CSMD1: variants seen among roughly 807,000 people sequenced by gnomAD.
CSMD1 encodes CUB and sushi domain-containing protein 1.
In CSMD1, 213 loss-of-function variants were observed where a neutral mutation model predicts 417.5. The ratio of observed to expected loss-of-function variants is 0.51; its 90% confidence interval spans 0.46 to 0.57. The LOEUF (loss-of-function observed/expected upper bound fraction) is 0.57, where lower values mean the gene tolerates loss of function less well. Ranked by LOEUF, CSMD1 falls within the 20% of genes least tolerant of loss-of-function variation. CSMD1 has a pLI of 0.00. For missense variants in CSMD1, 6,923 were observed against 4,529.7 expected, an observed-to-expected ratio of 1.53 and a Z score of -15.17; for synonymous variants, 2,862 against 1,736.8, an observed-to-expected ratio of 1.65 and a Z score of -16.11.
rs78156585 is a variant in CSMD1, at chr8:3,800,217, T to C, written c.819-46175A>G. Among the ~76,000 whole-genome samples the C allele has an allele frequency of 8.1e-3, 1,237 of 152,256 alleles. 13 individuals are homozygous for C. The highest frequency in any genetic ancestry group is 0.013 in the Non-Finnish European group (902 of 68,006). On this transcript the variant is annotated intron_variant, in intron 5 of 69. Transcript: ENST00000635120. ...GCAGAGAGCAGAACTTTCAACAAAC[T>C]TATTGATGATGATACAGTCATCCTT... is the stretch of plus-strand genomic sequence containing the variant.
chr8:4,642,083 C>T (rs1202695009), intron 1 of CSMD1, among the ~76,000 whole-genome samples: 3 of 152,142 alleles, frequency 2.0e-5, no homozygotes, highest in Non-Finnish European at 4.4e-5. Flanking sequence ...TTGGAGGTGA[C>T]CTGGTCAGCC....
chr8:3,937,605 C>T (rs1040176884), intron 5 of CSMD1, among the ~76,000 whole-genome samples: 1 of 152,104 alleles, frequency 6.6e-6, no homozygotes, highest in African/African-American at 2.4e-5. Context: ...CACTGGGGAA[C>T]CCACAATATC....
chr8:4,879,862 A>G (rs1174960932), intron 1 of CSMD1, among the ~76,000 whole-genome samples: 1 of 152,120 alleles, frequency 6.6e-6, no homozygotes, highest in Non-Finnish European at 1.5e-5. Context: ...TTTGGCAAAT[A>G]AAATCGATCA....
chr8:4,816,510 G>A (rs1424295324), intron 1 of CSMD1, among the ~76,000 whole-genome samples: 2 of 152,100 alleles, frequency 1.3e-5, no homozygotes, highest in Non-Finnish European at 2.9e-5. Context: ...TTACAGGTGT[G>A]AGCCACCATG....
intron 27 of CSMD1, among the ~76,000 whole-genome samples, chr8:3,226,684 C>G (rs765532122): frequency 6.6e-6 from 1 of 151,324 alleles, no homozygotes; most frequent in Non-Finnish European, 1.5e-5. Flanking sequence ...TGGTAGAAGT[C>G]ATTTCGGATG....
At chr8:4,455,959 A>AAAAAAAAC (rs1799447527) in intron 2 of CSMD1, among the ~76,000 whole-genome samples, 1 of 143,686 alleles carries the variant, frequency 7.0e-6, no homozygotes, top group Non-Finnish European at 1.5e-5. Flanking sequence ...AAAAAAAAAA[A>AAAAAAAAC]AAAATGCAGT....
At chr8:2,966,503 AT>A (rs200859942) in intron 58 of CSMD1, 66 bp downstream of exon 58, 82 of 1,454,324 alleles carry the variant, frequency 5.6e-5, no homozygotes, top group Admixed American at 1.4e-4. Flanking sequence ...CCTTAAAGTC[AT>A]TTTTTTTCCC....
At chr8:3,751,155 C>A (rs1417190454) in intron 6 of CSMD1, among the ~76,000 whole-genome samples, 1 of 152,076 alleles carries the variant, frequency 6.6e-6, no homozygotes, top group Non-Finnish European at 1.5e-5. Context: ...TGTCTTGGAG[C>A]TGAACTTTAA....
At chr8:3,291,436 A>G (rs1394316108) in intron 25 of CSMD1, among the ~76,000 whole-genome samples, 2 of 152,072 alleles carry the variant, frequency 1.3e-5, no homozygotes, top group African/African-American at 2.4e-5. Context: ...GCAGAATTGG[A>G]CTGTGAATCC....
chr8:4,898,980 T>C (rs1804686804), intron 1 of CSMD1, among the ~76,000 whole-genome samples: 2 of 152,192 alleles, frequency 1.3e-5, no homozygotes, highest in Non-Finnish European at 2.9e-5. Flanking sequence ...ATTACGGTAA[T>C]GATATCTACT....
intron 5 of CSMD1, among the ~76,000 whole-genome samples, chr8:3,797,534 T>C (rs139085410): frequency 0.015 from 2,208 of 152,042 alleles, 52 homozygotes; most frequent in African/African-American, 0.049. Context: ...TTAGGCAAGC[T>C]CTCTTAAATT....
intron 2 of CSMD1, among the ~76,000 whole-genome samples, chr8:4,464,682 T>C (rs1218992235): frequency 1.3e-5 from 2 of 152,070 alleles, no homozygotes; most frequent in Non-Finnish European, 2.9e-5. Context: ...AATCCTGTAA[T>C]ATAGCCAAAC....
intron 25 of CSMD1, among the ~76,000 whole-genome samples, chr8:3,302,878 C>A (rs951437798): frequency 1.3e-5 from 2 of 152,140 alleles, no homozygotes; most frequent in African/African-American, 2.4e-5. Context: ...TGAGTCAGAA[C>A]TTTGCAAAGT....
intron 3 of CSMD1, among the ~76,000 whole-genome samples, chr8:4,144,579 G>C (rs900207199): frequency 1.3e-5 from 2 of 150,926 alleles, no homozygotes; most frequent in African/African-American, 2.5e-5. Flanking sequence ...GGATTGCTCA[G>C]CTACTGTTAA....
chr8:3,049,970 G>A (rs1416490095), intron 50 of CSMD1, among the ~76,000 whole-genome samples: 1 of 152,022 alleles, frequency 6.6e-6, no homozygotes, highest in African/African-American at 2.4e-5. Flanking sequence ...CGAAAGCTCT[G>A]AAAATAAAAA....
chr8:3,314,511 A>T (rs1805600749), intron 23 of CSMD1, among the ~76,000 whole-genome samples: 1 of 152,216 alleles, frequency 6.6e-6, no homozygotes, highest in Non-Finnish European at 1.5e-5. Flanking sequence ...AAAAAGACTA[A>T]ATCACATTAT....
chr8:4,251,805 A>G (rs1232049351), intron 3 of CSMD1, among the ~76,000 whole-genome samples: 2 of 149,360 alleles, frequency 1.3e-5, no homozygotes, highest in African/African-American at 4.9e-5. Flanking sequence ...AAAGATGGAG[A>G]AGGACAGATG....
intron 5 of CSMD1, among the ~76,000 whole-genome samples, chr8:3,784,760 G>C (rs1424835868): frequency 2.0e-5 from 3 of 152,114 alleles, no homozygotes; most frequent in Non-Finnish European, 2.9e-5. Context: ...AGTAAAATAA[G>C]ATACAATTAG....
chr8:3,534,518 CAAAA>C (rs566979953), intron 10 of CSMD1, among the ~76,000 whole-genome samples: 6 of 86,542 alleles, frequency 6.9e-5, no homozygotes, highest in Admixed American at 1.2e-4. Context: ...TTCTCAATTA[CAAAA>C]AAAAAAAAAA....
Sources: allele counts gnomAD v4.1 joint callset (sites outside exome capture counted in the v4.1 genomes callset), GRCh38; gene constraint gnomAD v4.1.1; transcripts MANE v1.5; gene names NCBI Gene and HGNC (gene_info 2026-07-23, HGNC 2026-07-21).